Variants in COL2A1 observed in about 807,000 individuals in gnomAD.
The protein encoded by COL2A1 is collagen alpha-1(II) chain.
COL2A1 carries 28 observed loss-of-function variants against 204.5 expected under a neutral mutation model. The ratio of observed to expected loss-of-function variants is 0.14; its 90% CI spans 0.10 to 0.19. The LOEUF (loss-of-function observed/expected upper bound fraction) is 0.19, where lower values mean the gene tolerates loss of function less well. Ranked by LOEUF, COL2A1 falls within the 10% of genes least tolerant of loss-of-function variation. COL2A1 has a pLI of 1.00. For synonymous variants in COL2A1, 708 were observed against 718.7 expected, an observed-to-expected ratio of 0.99 and a Z score of 0.24; for missense variants, 1,388 against 2,027.5, an observed-to-expected ratio of 0.68 and a Z score of 6.06.
At chr12:48,000,647 C>A (rs925037579) in intron 1 of COL2A1, among the ~76,000 whole-genome samples, 1 of 152,128 alleles carries the variant, frequency 6.6e-6, no homozygotes, top group Non-Finnish European at 1.5e-5. Flanking sequence ...AACTAACATT[C>A]AGAGGGAATG....
chr12:47,991,882 T>C (rs929044291), intron 16 of COL2A1, among the ~76,000 whole-genome samples: 3 of 152,146 alleles, frequency 2.0e-5, no homozygotes, highest in African/African-American at 4.8e-5. Context: ...GGCAAGGCAC[T>C]TCAGCAGCTC....
In COL2A1 at chr12:47,978,190, GGA is replaced by G; in HGVS notation, c.3004-75_3004-74del. 3.2e-6 allele frequency: 5 copies of G among 1,575,792 alleles called. No homozygotes were observed. Among genetic ancestry groups the G allele is most frequent in the Non-Finnish European group, 4.3e-6 (5 of 1,151,992 alleles). On this transcript the variant is annotated intron_variant, in intron 43 of 53. Transcript: ENST00000380518. This position sits in a 1 kb window ranked among gnomAD's most constrained non-coding sequence, Gnocchi z 5.5. ...TGCCCAGGGCCCACTGACCCTTCAGGGAGAGGGCAGACAAGGGACAGTCCTGA... is the reference window on the plus strand; with the variant it reads ...TGCCCAGGGCCCACTGACCCTTCAGGGAGGGCAGACAAGGGACAGTCCTGA...
chr12:47,985,325 C>A (rs1312742222), intron 26 of COL2A1, among the ~76,000 whole-genome samples: 1 of 152,180 alleles, frequency 6.6e-6, no homozygotes, highest in Non-Finnish European at 1.5e-5. Flanking sequence ...CAAGGATAAG[C>A]CCCGAATGCA....
Position 47,974,118 on chromosome 12 carries a change from T to C in COL2A1, c.4288A>G (p.Thr1430Ala). The C allele has an allele frequency of 6.2e-7, 1 of 1,614,214 alleles. No homozygotes were observed. Among genetic ancestry groups the C allele is most frequent in the Non-Finnish European group, 8.5e-7 (1 of 1,180,030 alleles). The change falls in exon 53 of 54, where the codon ACG becomes GCG. Residue 1430 changes from threonine (T) to alanine (A), a missense_variant. Transcript: ENST00000380518. ...CAGCCATCCTTCAGGGCAGTGTACG[T>C]GAACCTGCTATTGCCCTCTGCCCGG... ...EIRAEGNSRF[T>A]YTALKDGCTK...
Position 47,977,084 on chromosome 12 carries a change from G to A in COL2A1, c.3327+18C>T. 6.2e-7 allele frequency: 1 copy of A among 1,600,306 alleles called. No homozygotes were observed. The highest frequency in any genetic ancestry group is 8.5e-7 in the Non-Finnish European group (1 of 1,174,330). ...CTATCCCTGGTGGGGACTCAGTGCA[G>A]GACACTTGGATACTCACCTGGATTC... On this transcript the variant is annotated intron_variant, in intron 47 of 53. Coordinates refer to ENST00000380518, the MANE Select transcript of COL2A1 (RefSeq NM_001844.5).
intron 37 of COL2A1, 152 bp downstream of exon 37, chr12:47,981,191 C>T: frequency 1.1e-6 from 1 of 929,038 alleles, no homozygotes; most frequent in Non-Finnish European, 1.7e-6. Context: ...CTTCCCATCT[C>T]TCCTCCCACC....
intron 37 of COL2A1, 120 bp from the exon 38 acceptor site, chr12:47,981,088 A>C: frequency 5.5e-6 from 6 of 1,089,728 alleles, no homozygotes; most frequent in Non-Finnish European, 8.0e-6. Flanking sequence ...GGGATCTGAA[A>C]GCAGCCTTAG....
In COL2A1 at chr12:48,004,256, C is replaced by T. The variant is rs942728782; in HGVS notation, c.66G>A (p.Arg22=). ...ACTTACGGACATCCTGGCCCTGACA[C>T]CGAAGGACAGCGGCGACGAGCAGCG... ...LLTLLVAAVL[R]CQGQDVQEAG... is the part of the protein sequence containing the mutation. The change falls in exon 1 of 54, where the codon CGG becomes CGA. Residue 22 remains arginine, a synonymous_variant. Coordinates refer to ENST00000380518, the MANE Select transcript of COL2A1 (RefSeq NM_001844.5). 3 of 1,550,184 alleles carry T rather than the reference C, an allele frequency of 1.9e-6. No homozygotes were observed. The highest frequency in any genetic ancestry group is 2.0e-5 in the Admixed American group (1 of 50,972).
Position 47,982,885 on chromosome 12 carries a change from C to T in COL2A1, c.2156G>A (p.Arg719His), listed in dbSNP as rs535980544. ...SPGAQGLQGP[R>H]GLPGTPGTDG... ...AGTGCCAGGAGTGCCGGGGAGGCCACGGGGACCCTGGAGGCCCTGGGCACC... is the reference window on the plus strand; with the variant it reads ...AGTGCCAGGAGTGCCGGGGAGGCCATGGGGACCCTGGAGGCCCTGGGCACC... Residue 719 changes from arginine (R) to histidine (H), a missense_variant, in exon 33 of 54, where the codon CGT becomes CAT. This residue lies in a region of COL2A1 where 884 missense variants were observed against 1,415.8 expected (regional missense o/e 0.62). Coordinates refer to ENST00000380518, the MANE Select transcript of COL2A1 (RefSeq NM_001844.5). 3.7e-6 allele frequency: 6 copies of T among 1,612,848 alleles called. No individual in the cohort carries two copies. Among genetic ancestry groups the T allele is most frequent in the East Asian group, 2.2e-5 (1 of 44,876 alleles).
Position 47,973,588 on chromosome 12 carries a change from A to G in COL2A1, c.4318-35T>C, listed in dbSNP as rs375905906. On this transcript the variant is annotated intron_variant, in intron 53 of 53. Transcript: ENST00000380518. ...AAAAAAGGAGGAGGCTCTGTTCAGT[A>G]GATGCCTTGCTACCCAGTTCCAGCT... The G allele has an allele frequency of 7.2e-5, 116 of 1,613,452 alleles. 1 individual carries two copies. In the African/African-American group the frequency reaches 1.1e-3, roughly 15 times the overall value.
intron 11 of COL2A1, 118 bp downstream of exon 11, chr12:47,995,137 G>A (rs1162321575): frequency 1.2e-5 from 10 of 867,504 alleles, no homozygotes; most frequent in Non-Finnish European, 2.0e-5. Flanking sequence ...GGACTGCCCA[G>A]TCTTGCTCCT....
Position 47,973,389 on chromosome 12 carries a change from G to T in COL2A1, c.*18C>A, listed in dbSNP as rs369207030. 5 of 1,614,150 alleles carry T rather than the reference G, an allele frequency of 3.1e-6. No homozygotes were observed. The highest frequency in any genetic ancestry group is 4.2e-6 in the Non-Finnish European group (5 of 1,180,026). The stretch of plus-strand genomic sequence containing the variant: ...CTTTGGGTTTGCAACGGATTGTGTT[G>T]TTTCTGGGTTCAGGTTTTTACAAGA... On this transcript the variant is annotated 3_prime_UTR_variant, in exon 54 of 54. Coordinates refer to ENST00000380518, the MANE Select transcript of COL2A1 (RefSeq NM_001844.5).
Position 47,980,544 on chromosome 12 carries a change from C to G in COL2A1, c.2625+10G>C. 6.3e-7 allele frequency: 1 copy of G among 1,594,168 alleles called. No individual in the cohort carries two copies. Among genetic ancestry groups the G allele is most frequent in the Non-Finnish European group, 8.6e-7 (1 of 1,169,004 alleles). ...TGAGGGAACAATTCTTGGAGTGCAG[C>G]GTTACCCACCTGAGGCCCAGGTGCT... On this transcript the variant is annotated intron_variant, in intron 39 of 53. Coordinates refer to ENST00000380518, the MANE Select transcript of COL2A1 (RefSeq NM_001844.5). The surrounding 1 kb of genome is among the most constrained non-coding windows in gnomAD (Gnocchi z 4.5).
At position 47,996,023 on chromosome 12, in the gene COL2A1, T is replaced by C. The variant is rs1031380703; in HGVS notation, c.610-104A>G. ...ACAGCCCGGGCAAAGGACAAGAAGT[T>C]ACTCTGTGGGCAAGGGGCCTAGAGT... On this transcript the variant is annotated intron_variant, in intron 8 of 53. Transcript: ENST00000380518. 24 of 922,074 alleles carry C rather than the reference T, an allele frequency of 2.6e-5. No homozygotes were observed. The African/African-American group carries it at 3.8e-4, about 14-fold the overall frequency. The allele number at this position is 922,074 out of a possible 1,614,324, so 57.1% of individuals were successfully genotyped here.
chr12:47,982,856 C>A lies in COL2A1; in HGVS notation c.2185G>T (p.Gly729Cys). The A allele has an allele frequency of 6.2e-7, 1 of 1,611,440 alleles. No individual in the cohort carries two copies. The highest frequency in any genetic ancestry group is 8.5e-7 in the Non-Finnish European group (1 of 1,179,756). Residue 729 changes from glycine to cysteine, a missense_variant, in exon 33 of 54, where the codon GGT becomes TGT. By Grantham distance (159) the Gly-to-Cys change is radical (BLOSUM62 -3). Coordinates refer to ENST00000380518, the MANE Select transcript of COL2A1 (RefSeq NM_001844.5). ...GATGCAGCCTCACTTACTTTGGGAC[C>A]ATCAGTGCCAGGAGTGCCGGGGAGG... ...RGLPGTPGTD[G>C]PKGASGPAGP...
chr12:47,989,297 G>T lies in COL2A1; in HGVS notation c.1069-16C>A. 6.2e-7 allele frequency: 1 copy of T among 1,610,810 alleles called. No homozygotes were observed. The highest frequency in any genetic ancestry group is 8.5e-7 in the Non-Finnish European group (1 of 1,178,894). The stretch of plus-strand genomic sequence containing the variant: ...CGACAGGACCCTGGAGAGAGTAGGC[G>T]GATGAGAAGAGAGGTGAATGCCAGT... On this transcript the variant is annotated splice_polypyrimidine_tract_variant and intron_variant, in intron 17 of 53. Coordinates refer to ENST00000380518, the MANE Select transcript of COL2A1 (RefSeq NM_001844.5).
At chr12:47,981,504 T>A in intron 36 of COL2A1, 108 bp from the exon 37 acceptor site, 1 of 1,032,246 alleles carries the variant, frequency 9.7e-7, no homozygotes, top group South Asian at 1.4e-5. Context: ...GGGCTCCAGG[T>A]CCCCCTGGCA....
Position 47,979,546 on chromosome 12 carries a change from CA to C in COL2A1, c.2697del (p.Gly900GlufsTer128). On this transcript the variant is annotated frameshift_variant, in exon 41 of 54. Coordinates refer to ENST00000380518, the MANE Select transcript of COL2A1 (RefSeq NM_001844.5). LOFTEE classifies it high-confidence loss of function. ...AQGPPGATGF[P>X]GAAGRVGPPG... ...GGGGGTCCAACGCGGCCAGCAGCTC[CA>C]GGGAATCCAGTGGCTCCCTGTGTGG... The C allele has an allele frequency of 6.2e-7, 1 of 1,613,346 alleles. No individual in the cohort carries two copies. Among genetic ancestry groups the C allele is most frequent in the Non-Finnish European group, 8.5e-7 (1 of 1,179,910 alleles).
chr12:47,981,637 G>A, intron 36 of COL2A1, 139 bp downstream of exon 36: 1 of 1,097,222 alleles, frequency 9.1e-7, no homozygotes, highest in Non-Finnish European at 1.4e-6. Flanking sequence ...ACTTCTGAGA[G>A]GGCCCCCTCT....
Sources: allele counts gnomAD v4.1 joint callset (sites outside exome capture counted in the v4.1 genomes callset), GRCh38; gene constraint gnomAD v4.1.1; regional missense constraint gnomAD v4.1.1; non-coding constraint Gnocchi (gnomAD v3.1); transcripts MANE v1.5; gene names NCBI Gene and HGNC (gene_info 2026-07-23, HGNC 2026-07-21).